Variants in NAV2 observed in about 807,000 individuals in gnomAD.
NAV2 encodes helicase, APC down-regulated 1.
A neutral mutation model predicts 223.2 loss-of-function variants in NAV2; 54 were observed. That is an observed-to-expected ratio of 0.24 (90% CI 0.19 to 0.30). The LOEUF (loss-of-function observed/expected upper bound fraction) is 0.30, where lower values mean the gene tolerates loss of function less well. Ranked by LOEUF, NAV2 falls within the 10% of genes least tolerant of loss-of-function variation. NAV2 has a pLI of 1.00. For missense variants in NAV2, 2,806 were observed against 3,147.5 expected (o/e 0.89, Z 2.60); for synonymous variants, 1,279 against 1,239.3 (o/e 1.03, Z -0.67).
At chr11:19,956,495 C>T (rs1173727128) in intron 10 of NAV2, among the ~76,000 whole-genome samples, 1 of 152,120 alleles carries the variant, frequency 6.6e-6, no homozygotes, top group African/African-American at 2.4e-5. Flanking sequence ...ATCAGGAGTT[C>T]CCATGACCTC....
intron 1 of NAV2, among the ~76,000 whole-genome samples, chr11:19,752,936 G>A (rs1167178760): frequency 2.0e-5 from 3 of 152,158 alleles, no homozygotes; most frequent in African/African-American, 7.2e-5. Flanking sequence ...GAGGTAACGA[G>A]GTTGAGATGA....
chr11:19,384,705 A>G (rs910583908), intron 1 of NAV2: 5 of 152,240 alleles, frequency 3.3e-5, no homozygotes, highest in Non-Finnish European at 7.3e-5. Context: ...AGCTTCTCTG[A>G]ACTGACTGAA....
chr11:19,593,915 G>C (rs1483647608), intron 1 of NAV2, among the ~76,000 whole-genome samples: 1 of 152,056 alleles, frequency 6.6e-6, no homozygotes, highest in African/African-American at 2.4e-5. Context: ...GGAGTTTTGA[G>C]TATTCTTTAT....
intron 1 of NAV2, among the ~76,000 whole-genome samples, chr11:19,793,206 CA>C (rs557365857): frequency 3.0e-3 from 177 of 58,270 alleles, no homozygotes; most frequent in Non-Finnish European, 4.2e-3. Flanking sequence ...CACTCTGTCT[CA>C]AAAAAAAAAA....
At chr11:19,940,521 G>A (rs2046320718) in intron 8 of NAV2, among the ~76,000 whole-genome samples, 1 of 152,198 alleles carries the variant, frequency 6.6e-6, no homozygotes, top group African/African-American at 2.4e-5. Flanking sequence ...GCAGCTTCTA[G>A]TCAGGGAAAT....
intron 1 of NAV2, among the ~76,000 whole-genome samples, chr11:19,591,599 G>A (rs554173603): frequency 6.6e-5 from 10 of 152,292 alleles, no homozygotes; most frequent in South Asian, 4.1e-4. Context: ...CTGACCATGC[G>A]GATGTTATTG....
chr11:19,356,476 C>T (rs1853625326), intron 1 of NAV2, among the ~76,000 whole-genome samples: 1 of 152,152 alleles, frequency 6.6e-6, no homozygotes, highest in South Asian at 2.1e-4. Flanking sequence ...TTTCTGGGCA[C>T]TTCCAGTGTC....
rs937734284 is a variant in NAV2 at position 20,048,982 on chromosome 11, C to G, written c.4157C>G (p.Thr1386Ser). 13 of 1,614,180 alleles carry G rather than the reference C, an allele frequency of 8.1e-6. No individual in the cohort carries two copies. The highest frequency in any genetic ancestry group is 9.3e-6 in the Non-Finnish European group (11 of 1,180,036). Residue 1386 changes from threonine to serine, a missense_variant, in exon 15 of 38, where the codon ACC becomes AGC. Thr to Ser is a moderately conservative substitution (Grantham distance 58). Coordinates refer to ENST00000349880, the MANE Select transcript of NAV2 (RefSeq NM_145117.5). ...CCTTCCAACAGCCTCACCTGGGGCA[C>G]CAACGCCAGCAGCTCCTCCGCAGTT... is the stretch of plus-strand genomic sequence containing the variant. ...SAPSNSLTWGTNASSSSAVSK... is the reference protein window; with the variant it reads ...SAPSNSLTWGSNASSSSAVSK...
At chr11:19,435,173 C>T (rs568664398) in intron 1 of NAV2, among the ~76,000 whole-genome samples, 61 of 152,226 alleles carry the variant, frequency 4.0e-4, no homozygotes, top group African/African-American at 1.4e-3. Flanking sequence ...CCATGCTATG[C>T]CTATCTAACT....
chr11:19,934,082 C>T lies in NAV2; in HGVS notation c.1838C>T (p.Ser613Phe). 6.2e-7 allele frequency: 1 copy of T among 1,612,078 alleles called. No individual in the cohort carries two copies. Residue 613 changes from serine (S) to phenylalanine (F), a missense_variant, in exon 7 of 38, where the codon TCT becomes TTT. Around this residue, in one of 4 missense-constraint regions of NAV2, gnomAD observed 1,167 missense variants for 1,180.5 expected, o/e 0.99. Transcript: ENST00000349880. ...PQLDGRHSSS[S>F]SSLASSEGKG... is the part of the protein sequence containing the mutation. ...CTGGACGGCAGACACTCCAGTTCCT[C>T]TTCCAGCCTGGCGTCCTCAGAAGGA... is the stretch of plus-strand genomic sequence containing the variant.
At chr11:19,731,887 G>A (rs886824658) in intron 1 of NAV2, among the ~76,000 whole-genome samples, 10 of 152,226 alleles carry the variant, frequency 6.6e-5, no homozygotes, top group Admixed American at 2.0e-4. Flanking sequence ...TGAAGTCAGA[G>A]GTAGGAGTTG....
intron 1 of NAV2, among the ~76,000 whole-genome samples, chr11:19,623,320 A>T (rs1023879727): frequency 1.3e-5 from 2 of 152,182 alleles, no homozygotes; most frequent in African/African-American, 2.4e-5. Flanking sequence ...CTGCCTTGCT[A>T]GGTTGAGGAA....
chr11:19,752,541 AT>A (rs1008804431), intron 1 of NAV2, among the ~76,000 whole-genome samples: 3 of 151,980 alleles, frequency 2.0e-5, no homozygotes, highest in African/African-American at 7.3e-5. Context: ...CCTTTTAGTC[AT>A]TTTTTTCCTA....
chr11:19,720,258 T>C (rs2050647702), intron 1 of NAV2, among the ~76,000 whole-genome samples: 3 of 152,366 alleles, frequency 2.0e-5, no homozygotes, highest in South Asian at 4.1e-4. Context: ...GAATGGGCCA[T>C]GTGATTTTGG....
intron 1 of NAV2, among the ~76,000 whole-genome samples, chr11:19,629,751 G>A (rs906565503): frequency 6.6e-6 from 1 of 152,144 alleles, no homozygotes. Context: ...GACCTGAATG[G>A]GCCTCAGTTT....
intron 2 of NAV2, among the ~76,000 whole-genome samples, chr11:19,840,584 T>A (rs76209856): frequency 6.6e-6 from 1 of 152,342 alleles, no homozygotes; most frequent in Non-Finnish European, 1.5e-5. Context: ...AAAAGCTGCA[T>A]ATTTATTCTC....
chr11:19,518,937 CT>C (rs1456387577), intron 1 of NAV2, among the ~76,000 whole-genome samples: 41 of 152,262 alleles, frequency 2.7e-4, no homozygotes, highest in African/African-American at 9.4e-4. Context: ...ATAGAGCTCC[CT>C]CACCTTTTCT....
intron 1 of NAV2, among the ~76,000 whole-genome samples, chr11:19,725,648 T>C (rs2051171178): frequency 6.6e-6 from 1 of 152,240 alleles, no homozygotes; most frequent in Non-Finnish European, 1.5e-5. Context: ...TTCTCTGGAT[T>C]GCAGAGCAGA....
Position 19,713,549 on chromosome 11 carries a change from G to T in NAV2, c.-147G>T. ...CTCGCCCGATTGCTTCGAGTTCCCC[G>T]ACCTGGGGATTTTTTTTTTAGCCGC... On this transcript the variant is annotated 5_prime_UTR_variant, in exon 1 of 38. Coordinates refer to ENST00000349880, the MANE Select transcript of NAV2 (RefSeq NM_145117.5). The surrounding 1 kb of genome is among the most constrained non-coding windows in gnomAD (Gnocchi z 7.2). 2 of 1,404,864 alleles carry T rather than the reference G, an allele frequency of 1.4e-6. No homozygotes were observed. The highest frequency in any genetic ancestry group is 2.7e-5 in the East Asian group (1 of 37,514). The allele number at this position is 1,404,864 out of a possible 1,614,324, so 87.0% of individuals were successfully genotyped here. A position where few individuals can be genotyped will look rare whatever the true frequency, so the allele number is the denominator to read the frequency against.
Sources: allele counts gnomAD v4.1 joint callset (sites outside exome capture counted in the v4.1 genomes callset), GRCh38; gene constraint gnomAD v4.1.1; regional missense constraint gnomAD v4.1.1; non-coding constraint Gnocchi (gnomAD v3.1); transcripts MANE v1.5; gene names NCBI Gene and HGNC (gene_info 2026-07-23, HGNC 2026-07-21).